LAMA2: variants seen among roughly 807,000 people sequenced by gnomAD.
LAMA2 encodes laminin subunit alpha-2.
LAMA2 carries 269 observed loss-of-function variants against 364.8 expected under a neutral mutation model. The observed-to-expected ratio is 0.74, with a 90% confidence interval of 0.67 to 0.82. The LOEUF (loss-of-function observed/expected upper bound fraction) is 0.82. Ranked by LOEUF, LAMA2 falls within the 40% of genes least tolerant of loss-of-function variation. The pLI is 0.00. For missense variants in LAMA2, 3,807 were observed against 3,873.2 expected, an observed-to-expected ratio of 0.98 and a Z score of 0.45; for synonymous variants, 1,379 against 1,370.6, an observed-to-expected ratio of 1.01 and a Z score of -0.14.
intron 51 of LAMA2, among the ~76,000 whole-genome samples, chr6:129,465,855 CTT>C (rs1227787983): frequency 6.6e-6 from 1 of 151,880 alleles, no homozygotes; most frequent in Non-Finnish European, 1.5e-5. Flanking sequence ...TACACTCAAA[CTT>C]TTATGTGGTC....
At position 129,260,711 on chromosome 6, in the gene LAMA2, G is replaced by T; in HGVS notation, c.2097G>T (p.Arg699Ser). The stretch of plus-strand genomic sequence containing the variant: ...CCATCTCTTTTTTCCTCTGCCATAG[G>T]TTGAGCTCTGTTAACCTTGAATCCG... Reference protein sequence around the residue: ...TYSFGMDAIFRLSSVNLESAV... With the variant: ...TYSFGMDAIFSLSSVNLESAV... The change falls in exon 15 of 65, where the codon AGG becomes AGT. Residue 699 changes from arginine (R) to serine (S), a missense_variant and splice_region_variant. Physicochemically the swap from Arg to Ser is moderately radical, Grantham distance 110. Transcript: ENST00000421865. 6.3e-7 allele frequency: 1 copy of T among 1,594,202 alleles called. No homozygotes were observed. The highest frequency in any genetic ancestry group is 1.3e-5 in the African/African-American group (1 of 74,510).
At chr6:129,232,291 T>G (rs2115132660) in intron 12 of LAMA2, among the ~76,000 whole-genome samples, 1 of 152,284 alleles carries the variant, frequency 6.6e-6, no homozygotes, top group African/African-American at 2.4e-5. Flanking sequence ...TTCTTCCTGC[T>G]TAAATGACAT....
intron 1 of LAMA2, chr6:128,929,073 C>A: frequency 6.9e-7 from 1 of 1,455,486 alleles, no homozygotes; most frequent in Admixed American, 1.7e-5. Flanking sequence ...CTAATGTGGT[C>A]ATCCAGAATC....
At chr6:129,394,793 T>C (rs1779515705) in intron 37 of LAMA2, among the ~76,000 whole-genome samples, 1 of 152,244 alleles carries the variant, frequency 6.6e-6, no homozygotes, top group Non-Finnish European at 1.5e-5. Context: ...TACCTTTAGC[T>C]ATTCGTTTCT....
At chr6:129,353,697 G>T (rs1347325187) in intron 32 of LAMA2, among the ~76,000 whole-genome samples, 1 of 152,128 alleles carries the variant, frequency 6.6e-6, no homozygotes, top group East Asian at 1.9e-4. Flanking sequence ...ACAGATTAAA[G>T]ATGTGAGTGT....
At chr6:129,103,835 T>C (rs1312297399) in intron 4 of LAMA2, among the ~76,000 whole-genome samples, 1 of 152,170 alleles carries the variant, frequency 6.6e-6, no homozygotes, top group Non-Finnish European at 1.5e-5. Flanking sequence ...AGTAGGTGTA[T>C]ATATTTTAGA....
chr6:128,960,900 G>C (rs1188736599), intron 1 of LAMA2, among the ~76,000 whole-genome samples: 1 of 151,474 alleles, frequency 6.6e-6, no homozygotes, highest in African/African-American at 2.4e-5. Flanking sequence ...TTTTGCCTTT[G>C]TTTCCTCTGT....
At chr6:129,336,558 CA>C (rs1274680412) in intron 29 of LAMA2, among the ~76,000 whole-genome samples, 1 of 152,136 alleles carries the variant, frequency 6.6e-6, no homozygotes, top group Non-Finnish European at 1.5e-5. Context: ...ATGAGATAGA[CA>C]AGATTATTTC....
At position 129,440,952 on chromosome 6, in the gene LAMA2, C is replaced by G. The variant is rs2114765766; in HGVS notation, c.6222C>G (p.Asp2074Glu). Residue 2074 changes from aspartate to glutamate, a missense_variant, in exon 43 of 65, where the codon GAC becomes GAG. This residue lies in a region of LAMA2 where 3,333 missense variants were observed against 3,345.7 expected (regional missense o/e 1.00). Transcript: ENST00000421865. ...GLKKNYNKLA[D>E]SVAKTNAVVK... The stretch of plus-strand genomic sequence containing the variant: ...AGAAGAATTACAATAAACTAGCAGA[C>G]AGCGTCGCCAAAACGAATGCTGTGG... 1 of 1,613,910 alleles carries G rather than the reference C, an allele frequency of 6.2e-7. No homozygotes were observed. Among genetic ancestry groups the G allele is most frequent in the African/African-American group, 1.3e-5 (1 of 75,044 alleles).
At chr6:128,903,725 C>T (rs1444280129) in intron 1 of LAMA2, among the ~76,000 whole-genome samples, 1 of 152,010 alleles carries the variant, frequency 6.6e-6, no homozygotes, top group Non-Finnish European at 1.5e-5. Context: ...GAACATCTTT[C>T]TCTTTTAAAG....
In LAMA2 at chr6:129,460,197, C is replaced by T. The variant is rs1327267283; in HGVS notation, c.6868-3C>T. ...TAGCAAATAACGGTATTTCTTTCTG[C>T]AGAAGGCTGATGCTGTACGTGTGAT... On this transcript the variant is annotated splice_polypyrimidine_tract_variant and splice_region_variant and intron_variant, in intron 48 of 64. Coordinates refer to ENST00000421865, the MANE Select transcript of LAMA2 (RefSeq NM_000426.4). 1.1e-5 allele frequency: 17 copies of T among 1,611,644 alleles called. No individual in the cohort carries two copies. The highest frequency in any genetic ancestry group is 1.4e-5 in the Non-Finnish European group (17 of 1,178,262).
At chr6:129,365,841 G>A (rs1031206724) in intron 32 of LAMA2, among the ~76,000 whole-genome samples, 1 of 152,052 alleles carries the variant, frequency 6.6e-6, no homozygotes, top group African/African-American at 2.4e-5. Context: ...TATTCCCTGT[G>A]GACAGGTTCC....
chr6:128,938,232 T>G (rs2114534452), intron 1 of LAMA2, among the ~76,000 whole-genome samples: 1 of 152,246 alleles, frequency 6.6e-6, no homozygotes, highest in East Asian at 1.9e-4. Context: ...GTGATATTAA[T>G]AATAATAATG....
chr6:129,261,063 G>A (rs1458472608), intron 15 of LAMA2, among the ~76,000 whole-genome samples: 1 of 151,974 alleles, frequency 6.6e-6, no homozygotes. Context: ...AAAATCTGAT[G>A]TTTCTGTCTT....
At chr6:128,884,451 C>T (rs924062839) in intron 1 of LAMA2, among the ~76,000 whole-genome samples, 1 of 152,210 alleles carries the variant, frequency 6.6e-6, no homozygotes, top group East Asian at 1.9e-4. Context: ...TATACTTATC[C>T]TTCTTCCAGT....
chr6:129,285,339 A>G (rs1041164007), intron 18 of LAMA2, among the ~76,000 whole-genome samples: 87 of 152,146 alleles, frequency 5.7e-4, no homozygotes, highest in South Asian at 2.1e-4. Flanking sequence ...TCTATCACGT[A>G]TATTCACAAA....
chr6:129,039,843 T>C (rs748515261), intron 1 of LAMA2, among the ~76,000 whole-genome samples: 2 of 152,096 alleles, frequency 1.3e-5, no homozygotes, highest in African/African-American at 2.4e-5. Flanking sequence ...AGAGCTCAGG[T>C]GGTAATGCTT....
chr6:129,478,640 A>G (rs1001536892), intron 53 of LAMA2, 53 bp from the exon 54 acceptor site: 42 of 1,599,122 alleles, frequency 2.6e-5, no homozygotes, highest in Non-Finnish European at 3.6e-5. Context: ...CAGAGACTAC[A>G]CTACCATCAC....
intron 41 of LAMA2, among the ~76,000 whole-genome samples, chr6:129,433,296 A>G (rs1781688080): frequency 6.6e-6 from 1 of 152,120 alleles, no homozygotes. Context: ...TTATCAAATC[A>G]ATTTGCTGGA....
Sources: gnomAD v4.1 joint callset for allele counts (sites outside exome capture counted in the v4.1 genomes callset) on GRCh38, gnomAD v4.1.1 for gene constraint, gnomAD v4.1.1 regional missense constraint, MANE v1.5 for transcripts, NCBI Gene and HGNC (gene_info 2026-07-23, HGNC 2026-07-21) for gene names.